The following ZPBP variants were observed in gnomAD, a reference collection of about 807,000 sequenced individuals.
ZPBP encodes zona pellucida-binding protein 1.
In ZPBP, 26 loss-of-function variants were observed where a neutral mutation model predicts 44.8. The ratio of observed to expected loss-of-function variants is 0.58; its 90% CI spans 0.43 to 0.81. The LOEUF (loss-of-function observed/expected upper bound fraction) is 0.81. Ranked by LOEUF, ZPBP falls within the 30% of genes least tolerant of loss-of-function variation. The pLI, the probability that ZPBP is intolerant of heterozygous loss-of-function variation, is 0.00. For missense variants in ZPBP, 409 were observed against 434.0 expected (o/e 0.94, Z 0.51); for synonymous variants, 174 against 153.2 (o/e 1.14, Z -1.00).
At chr7:49,926,688 G>A (rs900228346) in intron 1 of ZPBP, among the ~76,000 whole-genome samples, 2 of 152,172 alleles carry the variant, frequency 1.3e-5, no homozygotes, top group African/African-American at 2.4e-5. Flanking sequence ...TGGATCCTCT[G>A]AGAAACTGTC....
chr7:50,017,440 T>G (rs1292572462), intron 6 of ZPBP, among the ~76,000 whole-genome samples: 2 of 152,146 alleles, frequency 1.3e-5, no homozygotes, highest in Non-Finnish European at 2.9e-5. Context: ...CACCTCCTGC[T>G]GTATGGCCTG....
At chr7:50,026,968 T>C (rs995608020) in intron 5 of ZPBP, among the ~76,000 whole-genome samples, 1 of 152,006 alleles carries the variant, frequency 6.6e-6, no homozygotes, top group South Asian at 2.1e-4. Flanking sequence ...AACCTTTCAA[T>C]AGACAGAGCC....
intron 7 of ZPBP, among the ~76,000 whole-genome samples, chr7:49,968,421 T>G (rs566094570): frequency 1.3e-5 from 2 of 152,114 alleles, no homozygotes; most frequent in South Asian, 2.1e-4. Context: ...ATTCCAAAAT[T>G]TATCTAAAAA....
intron 1 of ZPBP, among the ~76,000 whole-genome samples, chr7:49,904,704 A>G (rs1417042359): frequency 6.6e-6 from 1 of 151,976 alleles, no homozygotes; most frequent in African/African-American, 2.4e-5. Flanking sequence ...AAATATTTGA[A>G]GCAGGAAAAA....
Position 50,077,420 on chromosome 7 carries a change from T to A in ZPBP, c.334+4354A>T, listed in dbSNP as rs1259103763. 2.6e-5 allele frequency among the ~76,000 whole-genome samples: 4 copies of A among 151,776 alleles called. No individual in the cohort carries two copies. The East Asian group carries it at 7.7e-4, about 29-fold the overall frequency. ...GGGATTGCATCAAGTTAAAAAGGTTTTGCATAGCAAAGGATACAATCAATG... is the reference window on the plus strand; with the variant it reads ...GGGATTGCATCAAGTTAAAAAGGTTATGCATAGCAAAGGATACAATCAATG... On this transcript the variant is annotated intron_variant, in intron 3 of 7. Transcript: ENST00000046087.
chr7:50,077,012 T>C (rs1033627591), intron 3 of ZPBP, among the ~76,000 whole-genome samples: 6 of 151,792 alleles, frequency 4.0e-5, no homozygotes, highest in Non-Finnish European at 7.4e-5. Context: ...TATAGAGCTA[T>C]ACTAACCAAA....
downstream of ZPBP, among the ~76,000 whole-genome samples, chr7:49,845,869 G>A (rs1789930982): frequency 6.6e-6 from 1 of 152,170 alleles, no homozygotes; most frequent in Admixed American, 6.5e-5. Flanking sequence ...GAGTTAGTGT[G>A]AGTGCGTGTG....
At chr7:50,008,484 C>T (rs531883694) in intron 6 of ZPBP, among the ~76,000 whole-genome samples, 23 of 151,974 alleles carry the variant, frequency 1.5e-4, no homozygotes, top group Non-Finnish European at 2.6e-4. Flanking sequence ...TATCAAAATG[C>T]CAATGCCATT....
intron 4 of ZPBP, among the ~76,000 whole-genome samples, chr7:50,041,030 T>C (rs1374467374): frequency 6.6e-6 from 1 of 152,136 alleles, no homozygotes; most frequent in Non-Finnish European, 1.5e-5. Flanking sequence ...ACAGTGTAAA[T>C]AAAGCTGCCT....
intron 2 of ZPBP, among the ~76,000 whole-genome samples, chr7:49,855,932 T>A (rs1790399901): frequency 6.6e-6 from 1 of 152,160 alleles, no homozygotes; most frequent in Admixed American, 6.5e-5. Flanking sequence ...TTCTTTCAGA[T>A]CCACTGAGAG....
At chr7:50,076,268 C>T (rs984481275) in intron 3 of ZPBP, among the ~76,000 whole-genome samples, 1 of 151,684 alleles carries the variant, frequency 6.6e-6, no homozygotes, top group Non-Finnish European at 1.5e-5. Flanking sequence ...AGGAACACAC[C>T]TCAAAATAAT....
chr7:49,987,575 G>A (rs908381936), intron 6 of ZPBP, among the ~76,000 whole-genome samples: 4 of 152,058 alleles, frequency 2.6e-5, no homozygotes, highest in Admixed American at 2.6e-4. Flanking sequence ...CTGTTTATTA[G>A]GCCCTGGAAA....
At chr7:49,931,476 T>A (rs1794439748) in intron 1 of ZPBP, among the ~76,000 whole-genome samples, 1 of 152,202 alleles carries the variant, frequency 6.6e-6, no homozygotes, top group African/African-American at 2.4e-5. Flanking sequence ...TAAAAGTCAC[T>A]CTTGCTATGC....
At chr7:49,975,301 GC>G (rs1445658627) in intron 7 of ZPBP, among the ~76,000 whole-genome samples, 3 of 152,258 alleles carry the variant, frequency 2.0e-5, no homozygotes, top group Middle Eastern at 3.4e-3. Flanking sequence ...AAAAGGAATG[GC>G]CTCCTCTTTT....
chr7:49,982,474 T>G (rs1416015422), intron 7 of ZPBP, among the ~76,000 whole-genome samples: 1 of 148,496 alleles, frequency 6.7e-6, no homozygotes, highest in African/African-American at 2.5e-5. Flanking sequence ...TGTACTATAT[T>G]TTTGTGAAAC....
chr7:50,028,435 C>T (rs562102203), intron 5 of ZPBP, among the ~76,000 whole-genome samples: 1 of 151,884 alleles, frequency 6.6e-6, no homozygotes, highest in Non-Finnish European at 1.5e-5. Context: ...ACTAAGATGC[C>T]AATTGTGCCA....
At chr7:50,023,644 A>C (rs1799195598) in intron 5 of ZPBP, among the ~76,000 whole-genome samples, 1 of 152,118 alleles carries the variant, frequency 6.6e-6, no homozygotes, top group Non-Finnish European at 1.5e-5. Context: ...ACACAGTTTC[A>C]AGAAACAGAG....
chr7:50,080,294 T>A (rs1406249825), intron 3 of ZPBP, among the ~76,000 whole-genome samples: 1 of 151,576 alleles, frequency 6.6e-6, no homozygotes, highest in Admixed American at 6.6e-5. Flanking sequence ...CATAATATAA[T>A]CATAAAGTTA....
intron 6 of ZPBP, among the ~76,000 whole-genome samples, chr7:50,000,637 T>C (rs941303091): frequency 2.6e-5 from 4 of 152,278 alleles, no homozygotes; most frequent in Admixed American, 1.3e-4. Flanking sequence ...GCATACTGCA[T>C]TAACCCAGCA....
Sources: allele counts gnomAD v4.1 joint callset (sites outside exome capture counted in the v4.1 genomes callset), GRCh38; gene constraint gnomAD v4.1.1; transcripts MANE v1.5; gene names NCBI Gene and HGNC (gene_info 2026-07-23, HGNC 2026-07-21).